CHODL: variants seen among roughly 807,000 people sequenced by gnomAD.
CHODL encodes chondrolectin.
CHODL carries 29 observed loss-of-function variants against 34.5 expected under a neutral mutation model. The observed-to-expected ratio is 0.84, with a 90% CI of 0.63 to 1.15. CHODL has a LOEUF of 1.15. CHODL is among the 50% of genes most tolerant of loss of function. The probability of loss-of-function intolerance (pLI) is 0.00; values close to 1 mark genes in which losing one functional copy is unlikely to be tolerated. For missense variants in CHODL, 332 were observed against 332.5 expected (o/e 1.00, Z 0.01); for synonymous variants, 125 against 116.1 (o/e 1.08, Z -0.49).
At position 18,190,895 on chromosome 21, in the gene CHODL, C is replaced by T. The variant is rs1248010125; in HGVS notation, c.-44-65614C>T. Among the ~76,000 whole-genome samples, 5 of 152,038 alleles carry T rather than the reference C, an allele frequency of 3.3e-5. No homozygotes were observed. The South Asian group carries it at 8.3e-4, about 25-fold the overall frequency. On this transcript the variant is annotated intron_variant, in intron 2 of 6. Transcript: ENST00000400127. Reference sequence around the variant, plus strand: ...TTGCTGGGAAGAGTTACTTGATATTCGTGAAGTCCAAGATAGATTTAATTT... The same window carrying T: ...TTGCTGGGAAGAGTTACTTGATATTTGTGAAGTCCAAGATAGATTTAATTT...
rs185235588 is a variant in CHODL at position 18,138,099 on chromosome 21, C to T, written c.-45+110128C>T. On this transcript the variant is annotated intron_variant, in intron 2 of 6. Coordinates refer to the CHODL transcript ENST00000400127. ...TATGAAACAGCATTTTGTTACACAA[C>T]TTCATTATTAAAACATTATTTTTTA... Among the ~76,000 whole-genome samples the T allele has an allele frequency of 9.9e-5, 15 of 151,850 alleles. No individual in the cohort carries two copies. The South Asian group carries it at 2.3e-3, about 23-fold the overall frequency.
chr21:17,961,836 G>A (rs1348079027), intron 1 of CHODL, among the ~76,000 whole-genome samples: 1 of 152,186 alleles, frequency 6.6e-6, no homozygotes, highest in East Asian at 1.9e-4. Context: ...TACAAGAGAG[G>A]TCACAAAAAG....
chr21:18,162,501 C>T (rs767869534), intron 2 of CHODL, among the ~76,000 whole-genome samples: 1 of 150,742 alleles, frequency 6.6e-6, no homozygotes, highest in Non-Finnish European at 1.5e-5. Context: ...CCAAATTTAC[C>T]CATTTAATAA....
intron 2 of CHODL, among the ~76,000 whole-genome samples, chr21:18,052,776 C>T (rs1288752884): frequency 6.6e-6 from 1 of 151,840 alleles, no homozygotes; most frequent in Non-Finnish European, 1.5e-5. Context: ...ACATCTCTGA[C>T]CAATATTTGG....
intron 2 of CHODL, among the ~76,000 whole-genome samples, chr21:18,036,575 C>T (rs73196646): frequency 5.9e-5 from 9 of 152,058 alleles, no homozygotes; most frequent in African/African-American, 9.6e-5. Flanking sequence ...AGTGGGACAG[C>T]GATAGGTCTT....
chr21:18,084,661 C>T lies in CHODL; in HGVS notation c.-45+56690C>T, dbSNP rs571467883. 2.0e-5 allele frequency among the ~76,000 whole-genome samples: 3 copies of T among 152,094 alleles called. No homozygotes were observed. In the East Asian group the frequency reaches 5.8e-4, roughly 29 times the overall value. On this transcript the variant is annotated intron_variant, in intron 2 of 6. Coordinates refer to the CHODL transcript ENST00000400127. ...ATACAATTTTGATTTTAAAAAAAAA[C>T]TTTAAGACTTGTTTTATGGCCTAAT...
rs530297151 is a variant in CHODL at position 17,990,135 on chromosome 21, T to C, written c.-144-37737T>C. Among the ~76,000 whole-genome samples the C allele has an allele frequency of 2.6e-5, 4 of 152,228 alleles. No homozygotes were observed. In the South Asian group the frequency reaches 8.3e-4, roughly 32 times the overall value. On this transcript the variant is annotated intron_variant, in intron 1 of 6. Transcript: ENST00000400127. ...AGATGTCATTGTTACCTATAGTTGA[T>C]TTTAATTTTAAATATAGCCAAACCA... is the stretch of plus-strand genomic sequence containing the variant.
intron 1 of CHODL, among the ~76,000 whole-genome samples, chr21:18,009,139 A>G (rs767793085): frequency 1.5e-4 from 23 of 152,186 alleles, no homozygotes; most frequent in Non-Finnish European, 3.1e-4. Context: ...TTGAGTCCAA[A>G]CTGTACTTAT....
chr21:17,997,123 A>C (rs2063857484), intron 1 of CHODL, among the ~76,000 whole-genome samples: 1 of 152,246 alleles, frequency 6.6e-6, no homozygotes, highest in Non-Finnish European at 1.5e-5. Flanking sequence ...TTTTAAGTTC[A>C]TAATATGCGA....
intron 2 of CHODL, among the ~76,000 whole-genome samples, chr21:18,171,198 G>GTTTTTTTTTTTTTTTTTTTTTT (rs1177005708): frequency 2.7e-5 from 1 of 37,080 alleles, no homozygotes; most frequent in African/African-American, 1.4e-4. Context: ...GTTTTCTTTA[G>GTTTTTTTTTTTTTTTTTTTTTT]TTTTTTTTTT....
At chr21:18,072,231 T>C (rs2064814652) in intron 2 of CHODL, among the ~76,000 whole-genome samples, 1 of 152,100 alleles carries the variant, frequency 6.6e-6, no homozygotes, top group Non-Finnish European at 1.5e-5. Context: ...TAATTCTGAT[T>C]GAAAAACAAT....
chr21:18,008,581 T>C (rs939838908), intron 1 of CHODL, among the ~76,000 whole-genome samples: 14 of 152,190 alleles, frequency 9.2e-5, no homozygotes, highest in Admixed American at 5.9e-4. Context: ...AGAGATCTCA[T>C]GTAAGTGGAA....
chr21:18,222,794 T>A (rs1045152996), intron 2 of CHODL, among the ~76,000 whole-genome samples: 11 of 152,168 alleles, frequency 7.2e-5, no homozygotes, highest in Admixed American at 6.6e-5. Flanking sequence ...AGGTCTTTTT[T>A]TGTGGAGGAG....
chr21:18,027,797 T>A (rs937624824), intron 1 of CHODL: 2 of 152,494 alleles, frequency 1.3e-5, no homozygotes, highest in African/African-American at 4.8e-5. Flanking sequence ...AGGAGAGCCC[T>A]CATGAATGGG....
At chr21:18,087,155 G>T (rs2065017674) in intron 2 of CHODL, among the ~76,000 whole-genome samples, 1 of 152,072 alleles carries the variant, frequency 6.6e-6, no homozygotes, top group South Asian at 2.1e-4. Context: ...ATGTTAAAAT[G>T]GTGCCAGTCA....
intron 2 of CHODL, among the ~76,000 whole-genome samples, chr21:18,150,856 C>T (rs545943418): frequency 2.0e-4 from 30 of 151,960 alleles, no homozygotes; most frequent in Non-Finnish European, 3.2e-4. Context: ...GAGGCCGAGG[C>T]GGGTGGATCA....
intron 2 of CHODL, among the ~76,000 whole-genome samples, chr21:18,047,827 A>G (rs553966797): frequency 1.3e-5 from 2 of 151,956 alleles, no homozygotes; most frequent in Non-Finnish European, 2.9e-5. Flanking sequence ...GACCTAAAGC[A>G]CTTTGGCAGA....
chr21:18,019,952 C>G (rs925124459), intron 1 of CHODL, among the ~76,000 whole-genome samples: 1 of 152,026 alleles, frequency 6.6e-6, no homozygotes, highest in African/African-American at 2.4e-5. Context: ...TTCTATTGAC[C>G]AAAACATGTC....
At chr21:17,982,696 CTTTTT>C (rs397867753) in intron 1 of CHODL, among the ~76,000 whole-genome samples, 20 of 63,010 alleles carry the variant, frequency 3.2e-4, no homozygotes, top group Non-Finnish European at 1.9e-4. Context: ...TATATATATT[CTTTTT>C]TTTTTTTTTT....
Sources: allele counts gnomAD v4.1 joint callset (sites outside exome capture counted in the v4.1 genomes callset), GRCh38; gene constraint gnomAD v4.1.1; transcripts MANE v1.5; gene names NCBI Gene and HGNC (gene_info 2026-07-23, HGNC 2026-07-21).